Variants in RASL10B observed in about 807,000 individuals in gnomAD.
The protein encoded by RASL10B is ras-like protein family member 10B.
In RASL10B, 10 loss-of-function variants were observed where a neutral mutation model predicts 20.7. The ratio of observed to expected loss-of-function variants is 0.48; its 90% confidence interval spans 0.30 to 0.82. The LOEUF is 0.82. Among genes scored for constraint, RASL10B ranks in the 40% least tolerant of loss-of-function variants. RASL10B has a pLI of 0.07. For missense variants in RASL10B, 231 were observed against 295.4 expected, an observed-to-expected ratio of 0.78 and a Z score of 1.60; for synonymous variants, 110 against 123.3, an observed-to-expected ratio of 0.89 and a Z score of 0.72.
Position 35,742,781 on chromosome 17 carries a change from G to A in RASL10B, c.*1476G>A, listed in dbSNP as rs1411511824. On this transcript the variant is annotated 3_prime_UTR_variant, in exon 4 of 4. Transcript: ENST00000603017. ...GGTCCCTTGTTATAAGAGGGGCAGAGAGGACAACTCCGCTTTGGCCAACCT... is the reference window on the plus strand; with the variant it reads ...GGTCCCTTGTTATAAGAGGGGCAGAAAGGACAACTCCGCTTTGGCCAACCT... The A allele has an allele frequency of 6.6e-6, 1 of 152,330 alleles. No homozygotes were observed. Among genetic ancestry groups the A allele is most frequent in the Non-Finnish European group, 1.5e-5 (1 of 68,110 alleles). The allele number at this position is 152,330 out of a possible 1,614,324, so 9.4% of individuals were successfully genotyped here.
At position 35,741,043 on chromosome 17, in the gene RASL10B, G is replaced by T; in HGVS notation, c.350G>T (p.Gly117Val). Residue 117 changes from glycine to valine, a missense_variant, in exon 4 of 4, where the codon GGA becomes GTA. Coordinates refer to ENST00000603017, the MANE Select transcript of RASL10B (RefSeq NM_033315.4). ...RQQILETRVI[G>V]TSETPIIIVG... is the part of the protein sequence containing the mutation. ...CCTGCCTCGCCCCACAGGGTGATCG[G>T]AACCTCAGAGACGCCCATCATCATC... 6.2e-7 allele frequency: 1 copy of T among 1,602,190 alleles called. No homozygotes were observed.
chr17:35,741,405 C>G lies in RASL10B; in HGVS notation c.*100C>G, dbSNP rs1438391284. ...GAGCGGGCGGGAAATGGAACTGTGA[C>G]GGTCCCGGCCTGAGGCCCCTGCAGC... On this transcript the variant is annotated 3_prime_UTR_variant, in exon 4 of 4. Transcript: ENST00000603017. 7.4e-7 allele frequency: 1 copy of G among 1,356,776 alleles called. No homozygotes were observed. Among genetic ancestry groups the G allele is most frequent in the South Asian group, 1.7e-5 (1 of 58,036 alleles). 84.0% of individuals were successfully genotyped at this position (1,356,776 alleles called of 1,614,324 possible).
At position 35,740,134 on chromosome 17, in the gene RASL10B, C is replaced by T. The variant is rs376609547; in HGVS notation, c.217-275C>T. On this transcript the variant is annotated intron_variant, in intron 2 of 3. Transcript: ENST00000603017. ...AGGCCTCGATGGATGGATGAGGGCA[C>T]GACATGGAGCAAGGCAGAGCTAAAC... 2.3e-3 allele frequency among the ~76,000 whole-genome samples: 356 copies of T among 152,262 alleles called. 1 individual carries two copies. Among genetic ancestry groups the T allele is most frequent in the African/African-American group, 8.0e-3 (334 of 41,544 alleles).
At chr17:35,737,949 G>A (rs1216164620) in intron 2 of RASL10B, among the ~76,000 whole-genome samples, 1 of 151,716 alleles carries the variant, frequency 6.6e-6, no homozygotes, top group Non-Finnish European at 1.5e-5. Context: ...TGGAGGGGAG[G>A]TTATTTCCAG....
At position 35,735,053 on chromosome 17, in the gene RASL10B, C is replaced by A; in HGVS notation, c.-132C>A. 1.1e-6 allele frequency: 1 copy of A among 908,302 alleles called. No individual in the cohort carries two copies. Among genetic ancestry groups the A allele is most frequent in the Non-Finnish European group, 1.7e-6 (1 of 577,566 alleles). 56.3% of individuals were successfully genotyped at this position (908,302 alleles called of 1,614,324 possible). A position where few individuals can be genotyped will look rare whatever the true frequency, so the allele number is the denominator to read the frequency against. ...GTCCCCACAGTCCAGGTGGAGGCCGCAGAGGGCCCAGGGCAAGCAGAGGCA... is the reference window on the plus strand; with the variant it reads ...GTCCCCACAGTCCAGGTGGAGGCCGAAGAGGGCCCAGGGCAAGCAGAGGCA... On this transcript the variant is annotated 5_prime_UTR_variant, in exon 2 of 4. Transcript: ENST00000603017. This position sits in a 1 kb window ranked among gnomAD's most constrained non-coding sequence, Gnocchi z 6.7.
rs1244490540 is a variant in RASL10B at position 35,741,487 on chromosome 17, C to G, written c.*182C>G. On this transcript the variant is annotated 3_prime_UTR_variant, in exon 4 of 4. Coordinates refer to ENST00000603017, the MANE Select transcript of RASL10B (RefSeq NM_033315.4). ...GAGGGAGCCCTCCGTAACTGCCCAG[C>G]CCTGCCCCTTGCCCCCGTGGCTTCC... is the stretch of plus-strand genomic sequence containing the variant. 1 of 940,546 alleles carries G rather than the reference C, an allele frequency of 1.1e-6. No individual in the cohort carries two copies. The highest frequency in any genetic ancestry group is 1.8e-5 in the African/African-American group (1 of 57,080). The allele number at this position is 940,546 out of a possible 1,614,324, so 58.3% of individuals were successfully genotyped here. A position where few individuals can be genotyped will look rare whatever the true frequency, so the allele number is the denominator to read the frequency against.
intron 2 of RASL10B, chr17:35,737,024 G>GA: frequency 6.6e-6 from 1 of 152,332 alleles, no homozygotes; most frequent in South Asian, 2.1e-4. Flanking sequence ...AAAGTACTGG[G>GA]ATTATAGGCA....
In RASL10B at chr17:35,741,595, G is replaced by A; in HGVS notation, c.*290G>A. On this transcript the variant is annotated 3_prime_UTR_variant, in exon 4 of 4. Transcript: ENST00000603017. The stretch of plus-strand genomic sequence containing the variant: ...TGCCACAGCCTTTTGGGATGGGGGT[G>A]AGCGTGCAATGGAGGCTGGGGGTGG... The A allele has an allele frequency of 2.6e-6, 1 of 388,294 alleles. No individual in the cohort carries two copies. The highest frequency in any genetic ancestry group is 4.5e-6 in the Non-Finnish European group (1 of 222,308). 24.1% of individuals were successfully genotyped at this position (388,294 alleles called of 1,614,324 possible).
chr17:35,741,191 C>CCTG lies in RASL10B; in HGVS notation c.504_506dup (p.Leu169dup), dbSNP rs2085626581. On this transcript the variant is annotated inframe_insertion, in exon 4 of 4. Coordinates refer to ENST00000603017, the MANE Select transcript of RASL10B (RefSeq NM_033315.4). ...GCTCGGCCAAGTACAACTGGCACAT[C>CCTG]CTGCTGCTCTTCAGCGAGCTGCTCA... 6.2e-7 allele frequency: 1 copy of CCTG among 1,613,142 alleles called. No individual in the cohort carries two copies. The highest frequency in any genetic ancestry group is 8.5e-7 in the Non-Finnish European group (1 of 1,180,020).
chr17:35,740,275 C>CT, intron 2 of RASL10B, 134 bp from the exon 3 acceptor site: 1 of 1,167,478 alleles, frequency 8.6e-7, no homozygotes, highest in Non-Finnish European at 1.2e-6. Context: ...GCCTGGTCTC[C>CT]TGGGGATGGT....
intron 1 of RASL10B, among the ~76,000 whole-genome samples, chr17:35,734,329 CA>C (rs1192251482): frequency 2.0e-5 from 3 of 152,174 alleles, no homozygotes; most frequent in Non-Finnish European, 4.4e-5. Context: ...TGTGATTGGG[CA>C]CACTTCTTAC....
Position 35,735,415 on chromosome 17 carries a change from G to A in RASL10B, c.216+15G>A, listed in dbSNP as rs1555597070. 6.2e-7 allele frequency: 1 copy of A among 1,612,250 alleles called. No homozygotes were observed. The highest frequency in any genetic ancestry group is 8.5e-7 in the Non-Finnish European group (1 of 1,178,534). On this transcript the variant is annotated intron_variant, in intron 2 of 3. Coordinates refer to ENST00000603017, the MANE Select transcript of RASL10B (RefSeq NM_033315.4). This position sits in a 1 kb window ranked among gnomAD's most constrained non-coding sequence, Gnocchi z 6.7. ...ATACGCTCCAGGTAGGAGGACCCTG[G>A]GGGGCATGGGTTAGTGGGGAAACGG...
intron 2 of RASL10B, among the ~76,000 whole-genome samples, chr17:35,736,542 C>G (rs1196286903): frequency 2.6e-5 from 4 of 152,234 alleles, no homozygotes; most frequent in African/African-American, 9.6e-5. Context: ...GCCCTGGAAG[C>G]AGTGAGGCTG....
chr17:35,740,751 A>G (rs1279152273), intron 3 of RASL10B, among the ~76,000 whole-genome samples: 1 of 152,224 alleles, frequency 6.6e-6, no homozygotes, highest in East Asian at 1.9e-4. Context: ...GCAGTAGTTA[A>G]GAACTGGGAC....
At chr17:35,736,023 C>G (rs114908279) in intron 2 of RASL10B, among the ~76,000 whole-genome samples, 543 of 152,310 alleles carry the variant, frequency 3.6e-3, no homozygotes, top group African/African-American at 0.013. Context: ...AGTCAGGTCT[C>G]TTGCCCAAGG....
chr17:35,734,020 C>T (rs1307563336), intron 1 of RASL10B, among the ~76,000 whole-genome samples: 3 of 152,188 alleles, frequency 2.0e-5, no homozygotes, highest in African/African-American at 7.2e-5. Context: ...CTTGGCCAGG[C>T]GCGGTGACTC....
chr17:35,735,157 G>A lies in RASL10B; in HGVS notation c.-28G>A. On this transcript the variant is annotated 5_prime_UTR_variant, in exon 2 of 4. Coordinates refer to ENST00000603017, the MANE Select transcript of RASL10B (RefSeq NM_033315.4). This position sits in a 1 kb window ranked among gnomAD's most constrained non-coding sequence, Gnocchi z 6.7. ...CGGGGGAGCCCCAGACAGCGGCAAG[G>A]ACGAGGTGGCGGAGTGGGGCGGGAG... 1 of 1,596,594 alleles carries A rather than the reference G, an allele frequency of 6.3e-7. No individual in the cohort carries two copies. Among genetic ancestry groups the A allele is most frequent in the Non-Finnish European group, 8.5e-7 (1 of 1,173,380 alleles).
Position 35,735,231 on chromosome 17 carries a change from G to T in RASL10B, c.47G>T (p.Gly16Val). ...RVAVLGARGV[G>V]KSAIVRQFLY... Reference sequence around the variant, plus strand: ...GCCGTGCTGGGGGCGCGAGGTGTGGGCAAGAGTGCCATCGTGCGCCAGTTC... The same window carrying T: ...GCCGTGCTGGGGGCGCGAGGTGTGGTCAAGAGTGCCATCGTGCGCCAGTTC... Residue 16 changes from glycine (G) to valine (V), a missense_variant, in exon 2 of 4, where the codon GGC (glycine) becomes GTC (valine). Coordinates refer to ENST00000603017, the MANE Select transcript of RASL10B (RefSeq NM_033315.4). This position sits in a 1 kb window ranked among gnomAD's most constrained non-coding sequence, Gnocchi z 6.7. The T allele has an allele frequency of 6.2e-7, 1 of 1,613,096 alleles. No homozygotes were observed. The highest frequency in any genetic ancestry group is 8.5e-7 in the Non-Finnish European group (1 of 1,179,982).
At chr17:35,732,310 G>C (rs1192976506) in intron 1 of RASL10B, among the ~76,000 whole-genome samples, 2 of 152,206 alleles carry the variant, frequency 1.3e-5, no homozygotes, top group African/African-American at 4.8e-5. Flanking sequence ...GACGGAACCA[G>C]GCTTCGCCCC....
Sources: gnomAD v4.1 joint callset for allele counts (sites outside exome capture counted in the v4.1 genomes callset) on GRCh38, gnomAD v4.1.1 for gene constraint, Gnocchi (gnomAD v3.1) non-coding constraint, MANE v1.5 for transcripts, NCBI Gene and HGNC (gene_info 2026-07-23, HGNC 2026-07-21) for gene names.